The following SLC44A1 variants were observed in gnomAD, a reference collection of about 807,000 sequenced individuals.
SLC44A1 encodes solute carrier family 44 member 1.
Under a neutral mutation model 79.3 loss-of-function variants are expected in SLC44A1, and 26 were observed. That is an observed-to-expected ratio of 0.33 (90% CI 0.24 to 0.46). SLC44A1 has a LOEUF of 0.46. SLC44A1 is among the 20% of genes least tolerant of loss of function. The pLI is 1.00. For synonymous variants in SLC44A1, 263 were observed against 286.2 expected (o/e 0.92, Z 0.82); for missense variants, 688 against 798.1 (o/e 0.86, Z 1.66).
At chr9:105,415,708 A>G (rs1829160717) in intron 15 of SLC44A1, among the ~76,000 whole-genome samples, 1 of 152,196 alleles carries the variant, frequency 6.6e-6, no homozygotes, top group Non-Finnish European at 1.5e-5. Context: ...ACATACCAAA[A>G]GCCCCAGATA....
chr9:105,396,663 A>C lies in SLC44A1; in HGVS notation c.*7607A>C, dbSNP rs1000212161. ...TGTCTTGATTTCTCGCAGCTGTGTA[A>C]TGTGGCATGAGAAGTATGTTTTGGT... On this transcript the variant is annotated 3_prime_UTR_variant, in exon 16 of 16. Transcript: ENST00000374720. 1 of 984,884 alleles carries C rather than the reference A, an allele frequency of 1.0e-6. No individual in the cohort carries two copies. Among genetic ancestry groups the C allele is most frequent in the African/African-American group, 1.7e-5 (1 of 57,168 alleles). 61.0% of individuals were successfully genotyped at this position (984,884 alleles called of 1,614,324 possible). A position where few individuals can be genotyped will look rare whatever the true frequency, so the allele number is the denominator to read the frequency against.
chr9:105,261,317 A>G (rs1052418876), intron 1 of SLC44A1, among the ~76,000 whole-genome samples: 1 of 152,102 alleles, frequency 6.6e-6, no homozygotes, highest in African/African-American at 2.4e-5. Context: ...CTTCTGCCAC[A>G]CCGCCTTCCC....
At chr9:105,289,502 G>C (rs567726550) in intron 1 of SLC44A1, among the ~76,000 whole-genome samples, 1 of 152,308 alleles carries the variant, frequency 6.6e-6, no homozygotes, top group Admixed American at 6.5e-5. Context: ...GATAATTACT[G>C]TGATGGTATT....
chr9:105,348,109 G>T (rs1005293480), intron 4 of SLC44A1, among the ~76,000 whole-genome samples: 1 of 151,838 alleles, frequency 6.6e-6, no homozygotes. Flanking sequence ...ACTCAATAAA[G>T]GTAGTTCTAG....
chr9:105,407,706 C>T (rs1230467618), intron 15 of SLC44A1, among the ~76,000 whole-genome samples: 1 of 151,468 alleles, frequency 6.6e-6, no homozygotes, highest in African/African-American at 2.4e-5. Flanking sequence ...CTTGTCTATA[C>T]TAAAAATACA....
intron 1 of SLC44A1, among the ~76,000 whole-genome samples, chr9:105,296,567 G>A (rs1830726976): frequency 6.6e-6 from 1 of 152,158 alleles, no homozygotes; most frequent in Non-Finnish European, 1.5e-5. Flanking sequence ...CCCCATACAT[G>A]CTGTTTGTTA....
chr9:105,284,909 C>T (rs528599903), intron 1 of SLC44A1, among the ~76,000 whole-genome samples: 1 of 152,142 alleles, frequency 6.6e-6, no homozygotes, highest in South Asian at 2.1e-4. Flanking sequence ...AAAGAAACCC[C>T]ATACCCATTA....
chr9:105,392,788 C>T lies in SLC44A1; in HGVS notation c.*3732C>T. 4 of 985,342 alleles carry T rather than the reference C, an allele frequency of 4.1e-6. No homozygotes were observed. The highest frequency in any genetic ancestry group is 4.8e-6 in the Non-Finnish European group (4 of 829,898). 61.0% of individuals were successfully genotyped at this position (985,342 alleles called of 1,614,324 possible). On this transcript the variant is annotated 3_prime_UTR_variant, in exon 16 of 16. Transcript: ENST00000374720. ...GGATCAGTTCCAAAACCAGAACTGCCAGTAATGGTGACTTGAATATTTTAT... is the reference window on the plus strand; with the variant it reads ...GGATCAGTTCCAAAACCAGAACTGCTAGTAATGGTGACTTGAATATTTTAT...
At chr9:105,388,157 A>G (rs1828679011) in intron 15 of SLC44A1, among the ~76,000 whole-genome samples, 1 of 152,192 alleles carries the variant, frequency 6.6e-6, no homozygotes, top group Non-Finnish European at 1.5e-5. Context: ...TTCCCAGAAG[A>G]CAAGTGTGAA....
At chr9:105,263,499 C>CTATGTAA (rs1289997330) in intron 1 of SLC44A1, among the ~76,000 whole-genome samples, 1 of 150,536 alleles carries the variant, frequency 6.6e-6, no homozygotes, top group Non-Finnish European at 1.5e-5. Context: ...ATGATTAAAT[C>CTATGTAA]TATGTAATTT....
chr9:105,273,324 G>A (rs1216294120), intron 1 of SLC44A1, among the ~76,000 whole-genome samples: 1 of 152,162 alleles, frequency 6.6e-6, no homozygotes, highest in Non-Finnish European at 1.5e-5. Context: ...TTTGATTAGA[G>A]TATGAGTGAC....
rs1254848710 is a variant in SLC44A1, at chr9:105,391,930, G to T, written c.*2874G>T. Reference sequence around the variant, plus strand: ...GTCCTCTATTGTCAATTGTAGTAGTGACCAGAGTATCGTGGTTTTTGCCAT... The same window carrying T: ...GTCCTCTATTGTCAATTGTAGTAGTTACCAGAGTATCGTGGTTTTTGCCAT... On this transcript the variant is annotated 3_prime_UTR_variant, in exon 16 of 16. Coordinates refer to ENST00000374720, the MANE Select transcript of SLC44A1 (RefSeq NM_080546.5). The T allele has an allele frequency of 1.3e-5, 13 of 985,068 alleles. No homozygotes were observed. The highest frequency in any genetic ancestry group is 1.6e-5 in the Non-Finnish European group (13 of 829,798). 61.0% of individuals were successfully genotyped at this position (985,068 alleles called of 1,614,324 possible). A position where few individuals can be genotyped will look rare whatever the true frequency, so the allele number is the denominator to read the frequency against.
At chr9:105,348,538 C>A in intron 5 of SLC44A1, 87 bp downstream of exon 5, 2 of 825,146 alleles carry the variant, frequency 2.4e-6, no homozygotes, top group South Asian at 3.0e-5. Flanking sequence ...AGAAAATAGT[C>A]ATTTGATACC....
chr9:105,420,443 A>G (rs1231376294), intron 15 of SLC44A1, among the ~76,000 whole-genome samples: 4 of 152,208 alleles, frequency 2.6e-5, no homozygotes, highest in African/African-American at 7.2e-5. Flanking sequence ...AGGGAGAGTT[A>G]CAAAGACTCT....
At chr9:105,420,686 A>AC (rs1266071599) in intron 15 of SLC44A1, among the ~76,000 whole-genome samples, 2 of 151,568 alleles carry the variant, frequency 1.3e-5, no homozygotes, top group African/African-American at 4.8e-5. Flanking sequence ...ACAGGCAGAA[A>AC]CCCCCTCTCT....
rs958300457 is a variant in SLC44A1 at position 105,421,617 on chromosome 9, A to C, written c.1951-16664A>C. 2.9e-5 allele frequency among the ~76,000 whole-genome samples: 4 copies of C among 136,118 alleles called. No individual in the cohort carries two copies. In the South Asian group the frequency reaches 9.0e-4, roughly 31 times the overall value. 89.3% of individuals were successfully genotyped at this position (136,118 alleles called of 152,430 possible). A position where few individuals can be genotyped will look rare whatever the true frequency, so the allele number is the denominator to read the frequency against. The stretch of plus-strand genomic sequence containing the variant: ...TTTTTTTTTTTGAGACAGAGTTTCC[A>C]TCTGTCGCCCAGGTAGGCAGAGTGC... On this transcript the variant is annotated intron_variant, in intron 15 of 15. Coordinates refer to the SLC44A1 transcript ENST00000374724.
chr9:105,389,965 T>TTCC lies in SLC44A1; in HGVS notation c.*910_*912dup. The TTCC allele has an allele frequency of 6.8e-7, 1 of 1,476,736 alleles. No individual in the cohort carries two copies. Among genetic ancestry groups the TTCC allele is most frequent in the South Asian group, 1.4e-5 (1 of 71,246 alleles). 91.5% of individuals were successfully genotyped at this position (1,476,736 alleles called of 1,614,324 possible). ...AACATGGAACATAAAGCATTGAAAATTCCGGTGCTTGGGCTTCGGCTTCAG... is the reference window on the plus strand; with the variant it reads ...AACATGGAACATAAAGCATTGAAAATTCCTCCGGTGCTTGGGCTTCGGCTTCAG... On this transcript the variant is annotated 3_prime_UTR_variant, in exon 16 of 16. Coordinates refer to ENST00000374720, the MANE Select transcript of SLC44A1 (RefSeq NM_080546.5).
chr9:105,429,871 C>T (rs1829370160), intron 15 of SLC44A1, among the ~76,000 whole-genome samples: 1 of 142,120 alleles, frequency 7.0e-6, no homozygotes, highest in Non-Finnish European at 1.5e-5. Flanking sequence ...CATGTGTATA[C>T]CTTAATTATA....
rs1031955803 is a variant in SLC44A1 at position 105,316,214 on chromosome 9, A to G, written c.269+6348A>G. On this transcript the variant is annotated intron_variant, in intron 3 of 15. Transcript: ENST00000374720. ...TACAATCACAAATTATTATAGCTAT[A>G]GGAAGCGTTTTGAAGAGAGAGGTGT... 1.6e-3 allele frequency among the ~76,000 whole-genome samples: 243 copies of G among 152,264 alleles called. 1 individual carries two copies. Among genetic ancestry groups the G allele is most frequent in the Non-Finnish European group, 7.2e-4 (49 of 68,012 alleles).
Sources: allele counts gnomAD v4.1 joint callset (sites outside exome capture counted in the v4.1 genomes callset), GRCh38; gene constraint gnomAD v4.1.1; transcripts MANE v1.5; gene names NCBI Gene and HGNC (gene_info 2026-07-23, HGNC 2026-07-21).